Variants in HEATR4 observed in about 807,000 individuals in gnomAD.
HEATR4 encodes the protein HEAT repeat-containing protein 4.
A neutral mutation model predicts 108.8 loss-of-function variants in HEATR4; 95 were observed. The ratio of observed to expected loss-of-function variants is 0.87; its 90% CI spans 0.74 to 1.04. The LOEUF is 1.04. HEATR4 is among the 50% of genes least tolerant of loss of function. The pLI, the probability that HEATR4 is intolerant of heterozygous loss-of-function variation, is 0.00. For synonymous variants in HEATR4, 443 were observed against 459.4 expected, an observed-to-expected ratio of 0.96 and a Z score of 0.46; for missense variants, 1,152 against 1,253.8, an observed-to-expected ratio of 0.92 and a Z score of 1.23.
At chr14:73,604,082 T>G in the HEATR4 span, among the ~76,000 whole-genome samples, 1 of 151,440 alleles carries the variant, frequency 6.6e-6, no homozygotes, top group South Asian at 2.1e-4. Context: ...TATGCAAACA[T>G]CACACACATA....
the HEATR4 span, chr14:73,596,431 T>C: frequency 6.6e-6 from 1 of 151,978 alleles, no homozygotes; most frequent in Non-Finnish European, 1.5e-5. Flanking sequence ...GAGGTCAAGA[T>C]TGGTGCAGTG....
At position 73,478,704 on chromosome 14, in the gene HEATR4, A is replaced by G; in HGVS notation, c.2983T>C (p.Ser995Pro). ...EKRIAVGPFRSDYPALYLGKF... is the reference protein window; with the variant it reads ...EKRIAVGPFRPDYPALYLGKF... Reference sequence around the variant, plus strand: ...CCCAGATAAAGAGCTGGGTAGTCGGATCTAAATGGTCCCACAGCAATCCTT... The same window carrying G: ...CCCAGATAAAGAGCTGGGTAGTCGGGTCTAAATGGTCCCACAGCAATCCTT... Residue 995 changes from serine to proline, a missense_variant, in exon 18 of 18, where the codon TCC becomes CCC. Transcript: ENST00000553558. The G allele has an allele frequency of 6.2e-7, 1 of 1,613,802 alleles. No individual in the cohort carries two copies. The highest frequency in any genetic ancestry group is 8.5e-7 in the Non-Finnish European group (1 of 1,179,926).
intron 17 of HEATR4, chr14:73,491,887 C>T (rs757911318): frequency 1.1e-5 from 17 of 1,611,762 alleles, no homozygotes; most frequent in South Asian, 9.9e-5. Flanking sequence ...GGTCCCTGTA[C>T]CAGGCCGGCT....
At chr14:73,622,913 T>C in the HEATR4 span, among the ~76,000 whole-genome samples, 24 of 151,154 alleles carry the variant, frequency 1.6e-4, no homozygotes, top group Admixed American at 1.3e-3. Flanking sequence ...TTTGTTTAGT[T>C]TTTGTTTTTT....
chr14:73,612,849 T>C, the HEATR4 span: 1 of 1,420,168 alleles, frequency 7.0e-7, no homozygotes, highest in African/African-American at 1.5e-5. Context: ...TTGGTGCGGC[T>C]GGTGAAGCGC....
the HEATR4 span, chr14:73,619,192 T>A: frequency 6.6e-6 from 10 of 1,520,336 alleles, no homozygotes; most frequent in Non-Finnish European, 5.3e-6. Flanking sequence ...GTCCTCCATT[T>A]ATGAATTCTA....
the HEATR4 span, among the ~76,000 whole-genome samples, chr14:73,625,557 T>C: frequency 3.0e-4 from 46 of 152,078 alleles, no homozygotes; most frequent in East Asian, 8.9e-3. Context: ...AGACGAGGTT[T>C]CACCATTTGA....
At position 73,548,007 on chromosome 14, in the gene HEATR4, G is replaced by T. The variant is rs1889262133; in HGVS notation, c.-152+10744C>A. The stretch of plus-strand genomic sequence containing the variant: ...AGTGGTGCCATCATAGCTCATTGTA[G>T]CCTCAAACTCCTGGGGGCCCAACCC... On this transcript the variant is annotated intron_variant, in intron 1 of 17. Transcript: ENST00000553558. Among the ~76,000 whole-genome samples the T allele has an allele frequency of 2.6e-5, 3 of 115,370 alleles. 1 individual carries two copies. Among genetic ancestry groups the T allele is most frequent in the South Asian group, 2.8e-4 (1 of 3,632 alleles). The allele number at this position is 115,370 out of a possible 152,430, so 75.7% of individuals were successfully genotyped here.
intron 1 of HEATR4, among the ~76,000 whole-genome samples, chr14:73,550,954 C>G (rs1161204933): frequency 1.8e-5 from 2 of 113,692 alleles, no homozygotes; most frequent in African/African-American, 2.9e-5. Context: ...GTCAGGAGTT[C>G]GAGACCAGCC....
intron 1 of HEATR4, chr14:73,541,369 G>GTAGA: frequency 1.2e-6 from 1 of 820,078 alleles, no homozygotes; most frequent in Non-Finnish European, 1.8e-6. Flanking sequence ...TTTCTCGTGG[G>GTAGA]TAGATACCTA....
At chr14:73,617,293 CAGGAGATACCA>C in the HEATR4 span, 1 of 1,481,918 alleles carries the variant, frequency 6.7e-7, no homozygotes. Flanking sequence ...AGAAACATGC[CAGGAGATACCA>C]AGTCTCCTTC....
the HEATR4 span, chr14:73,594,967 A>T: frequency 6.6e-7 from 1 of 1,522,962 alleles, no homozygotes; most frequent in Non-Finnish European, 8.9e-7. Flanking sequence ...CGCCTCGCAG[A>T]GTGTTGGGAT....
the HEATR4 span, among the ~76,000 whole-genome samples, chr14:73,578,231 C>CTTT: frequency 0.036 from 5,053 of 139,298 alleles, 168 homozygotes; most frequent in South Asian, 0.092. Context: ...GACATTTCAT[C>CTTT]TTTTTTTTTT....
At chr14:73,595,045 C>G in the HEATR4 span, 8 of 1,612,264 alleles carry the variant, frequency 5.0e-6, no homozygotes, top group Admixed American at 1.0e-4. Context: ...TTCTTTTCTT[C>G]CAGGTAAAAG....
intron 1 of HEATR4, among the ~76,000 whole-genome samples, chr14:73,535,694 T>C (rs1160280531): frequency 2.7e-5 from 3 of 111,776 alleles, no homozygotes; most frequent in African/African-American, 8.7e-5. Flanking sequence ...TTAGCCAGGA[T>C]GGTGTCGATC....
At position 73,550,045 on chromosome 14, in the gene HEATR4, T is replaced by C. The variant is rs1443628756; in HGVS notation, c.-152+8706A>G. Among the ~76,000 whole-genome samples, 6 of 107,576 alleles carry C rather than the reference T, an allele frequency of 5.6e-5. 1 individual carries two copies. Among genetic ancestry groups the C allele is most frequent in the African/African-American group, 1.3e-4 (4 of 31,896 alleles). The allele number at this position is 107,576 out of a possible 152,430, so 70.6% of individuals were successfully genotyped here. A position where few individuals can be genotyped will look rare whatever the true frequency, so the allele number is the denominator to read the frequency against. The stretch of plus-strand genomic sequence containing the variant: ...ACACAGCATTGGTCATGAGGTCAGC[T>C]GCTCTCTGACCCACTTGCTCAGAGT... On this transcript the variant is annotated intron_variant, in intron 1 of 17. Transcript: ENST00000553558.
At chr14:73,607,168 G>A in the HEATR4 span, among the ~76,000 whole-genome samples, 1 of 152,066 alleles carries the variant, frequency 6.6e-6, no homozygotes, top group African/African-American at 2.4e-5. Context: ...AAATTAGCTG[G>A]GTGTCATGGC....
At chr14:73,590,533 G>A in the HEATR4 span, among the ~76,000 whole-genome samples, 1 of 152,240 alleles carries the variant, frequency 6.6e-6, no homozygotes, top group Non-Finnish European at 1.5e-5. Flanking sequence ...AGCAGGGAGC[G>A]GAGCTCGTTG....
intron 17 of HEATR4, among the ~76,000 whole-genome samples, chr14:73,488,213 A>C (rs1885527135): frequency 6.6e-6 from 1 of 152,162 alleles, no homozygotes; most frequent in African/African-American, 2.4e-5. Flanking sequence ...AGGTGATTAG[A>C]TCATGGGGGC....
Sources: gnomAD v4.1 joint callset for allele counts (sites outside exome capture counted in the v4.1 genomes callset) on GRCh38, gnomAD v4.1.1 for gene constraint, MANE v1.5 for transcripts, NCBI Gene and HGNC (gene_info 2026-07-23, HGNC 2026-07-21) for gene names.